Variants in DCAF8L2 observed in about 807,000 individuals in gnomAD.
DCAF8L2 encodes the protein DDB1 and CUL4 associated factor 8 like 2.
For missense variants in DCAF8L2, 430 were observed against 490.7 expected (o/e 0.88, Z 1.17); for synonymous variants, 200 against 190.9 (o/e 1.05, Z -0.39).
the DCAF8L2 span, among the ~76,000 whole-genome samples, chrX:27,563,916 C>T: frequency 8.9e-6 from 1 of 111,911 alleles, no homozygotes; most frequent in Admixed American, 9.5e-5. Context: ...TATTTAATAG[C>T]TTGTATATTT....
the DCAF8L2 span, among the ~76,000 whole-genome samples, chrX:27,499,558 C>A: frequency 1.8e-5 from 2 of 111,902 alleles, no homozygotes; most frequent in East Asian, 5.6e-4. Context: ...CATTGACTCA[C>A]AGTTCTGCAG....
At chrX:27,493,752 A>G in the DCAF8L2 span, among the ~76,000 whole-genome samples, 2 of 108,073 alleles carry the variant, frequency 1.9e-5, no homozygotes, top group South Asian at 8.1e-4. Flanking sequence ...AAAAGGAAAG[A>G]AAACCCTACA....
chrX:27,534,079 C>G, the DCAF8L2 span, among the ~76,000 whole-genome samples: 174 of 110,515 alleles, frequency 1.6e-3, no homozygotes, highest in African/African-American at 5.3e-3. Flanking sequence ...GGTGTGGTGG[C>G]ACAGGCCTGT....
At chrX:27,677,285 G>A (rs1185674540) in intron 2 of DCAF8L2, among the ~76,000 whole-genome samples, 1 of 111,376 alleles carries the variant, frequency 9.0e-6, no homozygotes, top group Non-Finnish European at 1.9e-5. Flanking sequence ...GACATATAAA[G>A]GTTTGAAAAA....
chrX:27,673,962 T>C (rs185049157), intron 2 of DCAF8L2, among the ~76,000 whole-genome samples: 24 of 111,310 alleles, frequency 2.2e-4, no homozygotes, highest in African/African-American at 7.2e-4. Flanking sequence ...TATGCGTATA[T>C]AGTACATGTA....
At chrX:27,553,125 A>G in the DCAF8L2 span, among the ~76,000 whole-genome samples, 87 of 111,978 alleles carry the variant, frequency 7.8e-4, no homozygotes, top group African/African-American at 2.7e-3. Context: ...ATGTCCTGCA[A>G]CTTTACTGAA....
intron 2 of DCAF8L2, among the ~76,000 whole-genome samples, chrX:27,673,674 T>C (rs757134617): frequency 9.2e-6 from 1 of 108,972 alleles, no homozygotes; most frequent in South Asian, 3.9e-4. Flanking sequence ...AATATACATA[T>C]GTGTGTGTAT....
the DCAF8L2 span, among the ~76,000 whole-genome samples, chrX:27,524,567 G>C: frequency 1.8e-5 from 2 of 109,947 alleles, no homozygotes; most frequent in African/African-American, 6.6e-5. Flanking sequence ...CTTGCCTTCT[G>C]CTAGCTTTTG....
chrX:27,592,411 G>GTTTTTTTTTTTTTTTTTTTTTTTTT, intron 1 of DCAF8L2, among the ~76,000 whole-genome samples: 1 of 51,647 alleles, frequency 1.9e-5, no homozygotes, highest in Non-Finnish European at 3.5e-5. Flanking sequence ...TTTTTTGTTT[G>GTTTTTTTTTTTTTTTTTTTTTTTTT]TTTTTGTTTT....
chrX:27,493,553 A>C, the DCAF8L2 span, among the ~76,000 whole-genome samples: 15 of 108,713 alleles, frequency 1.4e-4, no homozygotes, highest in Non-Finnish European at 2.7e-4. Flanking sequence ...TTTACCAAAA[A>C]TACAAAAATT....
At position 27,696,436 on chromosome X, in the gene DCAF8L2, T is replaced by C. The variant is rs184433978; in HGVS notation, c.-143+18524T>C. On this transcript the variant is annotated intron_variant, in intron 3 of 4. Transcript: ENST00000451261. ...AACTGTGGTTTCTTGAACAATATGA[T>C]ACACCTGTTCAGCTATGTTTTTAAT... is the stretch of plus-strand genomic sequence containing the variant. 2.4e-3 allele frequency among the ~76,000 whole-genome samples: 269 copies of C among 111,336 alleles called. 1 individual carries two copies. The highest frequency in any genetic ancestry group is 4.0e-3 in the Non-Finnish European group (212 of 53,033).
At chrX:27,746,121 A>C (rs952260728) in intron 4 of DCAF8L2, among the ~76,000 whole-genome samples, 1 of 112,026 alleles carries the variant, frequency 8.9e-6, no homozygotes, top group Non-Finnish European at 1.9e-5. Context: ...AATTCTTCTC[A>C]CTAAAGGAGC....
intron 1 of DCAF8L2, among the ~76,000 whole-genome samples, chrX:27,609,011 T>A (rs1313362808): frequency 1.8e-5 from 2 of 111,302 alleles, no homozygotes; most frequent in Non-Finnish European, 3.8e-5. Context: ...CCAAAAGTTA[T>A]AATTATGCCT....
upstream of DCAF8L2, among the ~76,000 whole-genome samples, chrX:27,587,043 T>A (rs1431413888): frequency 9.0e-6 from 1 of 111,400 alleles, no homozygotes; most frequent in Non-Finnish European, 1.9e-5. Flanking sequence ...TAAAAACATG[T>A]ACTTATCACT....
chrX:27,641,802 T>G (rs1928736634), intron 2 of DCAF8L2, among the ~76,000 whole-genome samples: 2 of 110,624 alleles, frequency 1.8e-5, no homozygotes, highest in South Asian at 7.7e-4. Context: ...TTTGTTTTAC[T>G]CTGCATAACG....
At chrX:27,514,004 G>A in the DCAF8L2 span, among the ~76,000 whole-genome samples, 848 of 111,942 alleles carry the variant, frequency 7.6e-3, 6 homozygotes, top group Non-Finnish European at 0.012. Context: ...CCACTACTGG[G>A]TATATATCGA....
intron 2 of DCAF8L2, among the ~76,000 whole-genome samples, chrX:27,668,370 C>T (rs1929817213): frequency 9.1e-6 from 1 of 110,327 alleles, no homozygotes; most frequent in Admixed American, 9.7e-5. Flanking sequence ...AACAAGCAAA[C>T]GAACAATGAA....
intron 1 of DCAF8L2, among the ~76,000 whole-genome samples, chrX:27,601,889 A>G: frequency 9.0e-6 from 1 of 110,972 alleles, no homozygotes; most frequent in Non-Finnish European, 1.9e-5. Flanking sequence ...GGGTTTAGCT[A>G]AAGGAAGGCA....
At chrX:27,606,273 T>TTATATA (rs1180719752) in intron 1 of DCAF8L2, among the ~76,000 whole-genome samples, 7 of 85,891 alleles carry the variant, frequency 8.1e-5, no homozygotes, top group East Asian at 7.3e-4. Flanking sequence ...TATATAGGAA[T>TTATATA]TATATATATA....
Sources: gnomAD v4.1 joint callset for allele counts (sites outside exome capture counted in the v4.1 genomes callset) on GRCh38, gnomAD v4.1.1 for gene constraint, MANE v1.5 for transcripts, NCBI Gene and HGNC (gene_info 2026-07-23, HGNC 2026-07-21) for gene names.